Variants in GRIK2 observed in about 807,000 individuals in gnomAD.
GRIK2 encodes the protein glutamate ionotropic receptor kainate type subunit 2, also known as glutamate receptor ionotropic, kainate 2.
GRIK2 carries 32 observed loss-of-function variants against 100.3 expected under a neutral mutation model. That is an observed-to-expected ratio of 0.32 (90% CI 0.24 to 0.43). The LOEUF (loss-of-function observed/expected upper bound fraction) is 0.43. GRIK2 is among the 20% of genes least tolerant of loss of function. The pLI is 1.00. For missense variants in GRIK2, 843 were observed against 1,114.9 expected (o/e 0.76, Z 3.47); for synonymous variants, 417 against 389.4 (o/e 1.07, Z -0.83).
At chr6:101,786,341 T>C (rs901799427) in intron 7 of GRIK2, among the ~76,000 whole-genome samples, 1 of 152,066 alleles carries the variant, frequency 6.6e-6, no homozygotes, top group Non-Finnish European at 1.5e-5. Flanking sequence ...CTTTGTTGAA[T>C]AGGAGTTGTA....
intron 2 of GRIK2, among the ~76,000 whole-genome samples, chr6:101,481,488 T>G (rs1772526666): frequency 6.6e-6 from 1 of 152,176 alleles, no homozygotes; most frequent in African/African-American, 2.4e-5. Context: ...AAGACAGCAT[T>G]AACAAAACTA....
intron 2 of GRIK2, among the ~76,000 whole-genome samples, chr6:101,400,821 G>A (rs1775263217): frequency 6.6e-6 from 1 of 152,190 alleles, no homozygotes; most frequent in Admixed American, 6.5e-5. Context: ...GATGATAAAA[G>A]AGGCACTGGG....
intron 10 of GRIK2, among the ~76,000 whole-genome samples, chr6:101,832,209 G>A (rs75547789): frequency 0.07 from 10,604 of 151,848 alleles, 927 homozygotes; most frequent in African/African-American, 0.21. Context: ...AGCTAAATTA[G>A]CACTTAAATA....
chr6:101,858,841 A>T (rs1365385124), intron 10 of GRIK2, among the ~76,000 whole-genome samples: 1 of 151,960 alleles, frequency 6.6e-6, no homozygotes, highest in African/African-American at 2.4e-5. Flanking sequence ...TTAGTCAGCA[A>T]TTTTTTTCAT....
intron 11 of GRIK2, among the ~76,000 whole-genome samples, chr6:101,861,227 A>G (rs749047031): frequency 6.6e-6 from 1 of 152,220 alleles, no homozygotes; most frequent in South Asian, 2.1e-4. Context: ...CAATAAATAG[A>G]GATGTAACTA....
At chr6:101,815,085 A>G (rs2128420375) in intron 9 of GRIK2, among the ~76,000 whole-genome samples, 1 of 152,256 alleles carries the variant, frequency 6.6e-6, no homozygotes, top group African/African-American at 2.4e-5. Flanking sequence ...TAAGTGGTGG[A>G]CATAGGATCC....
At chr6:101,402,014 C>T (rs1775335942) in intron 2 of GRIK2, among the ~76,000 whole-genome samples, 1 of 152,122 alleles carries the variant, frequency 6.6e-6, no homozygotes, top group African/African-American at 2.4e-5. Flanking sequence ...CCACCCCAGC[C>T]CCCCTTCCCC....
intron 12 of GRIK2, among the ~76,000 whole-genome samples, chr6:101,900,519 T>C (rs1191755009): frequency 2.0e-5 from 3 of 152,156 alleles, no homozygotes; most frequent in African/African-American, 7.2e-5. Context: ...AAGTAATACA[T>C]GATTTCCAAA....
At chr6:101,645,975 C>T (rs1781509196) in intron 4 of GRIK2, among the ~76,000 whole-genome samples, 1 of 151,876 alleles carries the variant, frequency 6.6e-6, no homozygotes, top group African/African-American at 2.4e-5. Flanking sequence ...TCTATCGCCA[C>T]CTAGTGCTTT....
chr6:102,030,940 T>A (rs1268546377), intron 14 of GRIK2, among the ~76,000 whole-genome samples: 1 of 151,152 alleles, frequency 6.6e-6, no homozygotes, highest in African/African-American at 2.4e-5. Flanking sequence ...CTAGGTATAA[T>A]CTTTCTCCCC....
At chr6:101,956,367 C>T (rs1245128402) in intron 14 of GRIK2, among the ~76,000 whole-genome samples, 3 of 152,034 alleles carry the variant, frequency 2.0e-5, no homozygotes, top group African/African-American at 7.2e-5. Context: ...GTCTTTTGAT[C>T]CACGAACTTG....
chr6:101,675,336 CAGAGAG>C (rs57826527), intron 4 of GRIK2, among the ~76,000 whole-genome samples: 112 of 143,438 alleles, frequency 7.8e-4, no homozygotes, highest in African/African-American at 2.8e-3. Flanking sequence ...ACTCGAGAAA[CAGAGAG>C]AAGGAAAAAG....
chr6:101,628,312 A>T (rs184747191), intron 4 of GRIK2, among the ~76,000 whole-genome samples: 1 of 152,166 alleles, frequency 6.6e-6, no homozygotes, highest in South Asian at 2.1e-4. Context: ...TCAATTAGAT[A>T]AGAAAGAGTG....
rs1233727215 is a variant in GRIK2, at chr6:101,983,371, G to T, written c.2086-51970G>T. ...TGCCATACCAATCTTGAGTAGACAGGTCTGTGTGTAATACAAGCAGAGTAT... is the reference window on the plus strand; with the variant it reads ...TGCCATACCAATCTTGAGTAGACAGTTCTGTGTGTAATACAAGCAGAGTAT... On this transcript the variant is annotated intron_variant, in intron 14 of 16. Coordinates refer to ENST00000369134, the MANE Select transcript of GRIK2 (RefSeq NM_021956.5). 2.0e-5 allele frequency among the ~76,000 whole-genome samples: 3 copies of T among 151,794 alleles called. No homozygotes were observed. In the East Asian group the frequency reaches 5.8e-4, roughly 29 times the overall value.
chr6:101,428,028 C>A (rs780322592), intron 2 of GRIK2, among the ~76,000 whole-genome samples: 1 of 152,128 alleles, frequency 6.6e-6, no homozygotes, highest in Non-Finnish European at 1.5e-5. Flanking sequence ...TTAACACATC[C>A]TGCTATTAGA....
intron 2 of GRIK2, among the ~76,000 whole-genome samples, chr6:101,424,650 T>C (rs1472028824): frequency 3.3e-5 from 5 of 152,000 alleles, no homozygotes; most frequent in South Asian, 2.1e-4. Context: ...ATGTGCCATG[T>C]TGGTGTGCTG....
intron 2 of GRIK2, among the ~76,000 whole-genome samples, chr6:101,549,835 C>A (rs1382245279): frequency 6.6e-6 from 1 of 152,090 alleles, no homozygotes; most frequent in African/African-American, 2.4e-5. Flanking sequence ...TCACAACAAT[C>A]CAGTGAAGTG....
chr6:101,954,544 T>C (rs1412536713), intron 14 of GRIK2, among the ~76,000 whole-genome samples: 1 of 152,178 alleles, frequency 6.6e-6, no homozygotes, highest in Non-Finnish European at 1.5e-5. Context: ...AAGTGATTTT[T>C]GTATAGTGAT....
At chr6:101,690,405 T>A (rs1344272241) in intron 7 of GRIK2, among the ~76,000 whole-genome samples, 1 of 152,136 alleles carries the variant, frequency 6.6e-6, no homozygotes, top group African/African-American at 2.4e-5. Context: ...ACCTCAAAAA[T>A]CATTAAGCAC....
Sources: allele counts gnomAD v4.1 joint callset (sites outside exome capture counted in the v4.1 genomes callset), GRCh38; gene constraint gnomAD v4.1.1; transcripts MANE v1.5; gene names NCBI Gene and HGNC (gene_info 2026-07-23, HGNC 2026-07-21).